Variants in LMTK2 observed in about 807,000 individuals in gnomAD.
LMTK2 encodes lemur tail kinase 2.
Under a neutral mutation model 127.5 loss-of-function variants are expected in LMTK2, and 37 were observed. The ratio of observed to expected loss-of-function variants is 0.29; its 90% CI spans 0.22 to 0.38. The LOEUF (loss-of-function observed/expected upper bound fraction) is 0.38. Ranked by LOEUF, LMTK2 falls within the 10% of genes least tolerant of loss-of-function variation. The probability of loss-of-function intolerance (pLI) is 1.00; values close to 1 mark genes in which losing one functional copy is unlikely to be tolerated. For synonymous variants in LMTK2, 819 were observed against 810.1 expected (o/e 1.01, Z -0.19); for missense variants, 1,694 against 1,920.3 (o/e 0.88, Z 2.20).
rs1316047617 is a variant in LMTK2, at chr7:98,191,788, T to C, written c.1323T>C (p.Asn441=). The C allele has an allele frequency of 1.3e-5, 21 of 1,614,018 alleles. No individual in the cohort carries two copies. Among genetic ancestry groups the C allele is most frequent in the Non-Finnish European group, 1.8e-5 (21 of 1,180,030 alleles). ...CAAACAGCAGAGACTCCTCCAACAA[T>C]GCTGCATTCCCAATTCTCGACCACT... The part of the protein sequence containing the change: ...PNTNSRDSSN[N]AAFPILDHFA... Residue 441 remains asparagine (N), a synonymous_variant, in exon 11 of 14, where the codon AAT becomes AAC. Transcript: ENST00000297293.
intron 7 of LMTK2, 119 bp from the exon 8 acceptor site, chr7:98,184,932 G>A: frequency 3.0e-6 from 2 of 662,996 alleles, no homozygotes; most frequent in Middle Eastern, 2.5e-4. Flanking sequence ...TAATTCTTAA[G>A]CAGAGAGCTC....
In LMTK2 at chr7:98,192,133, A is replaced by G; in HGVS notation, c.1668A>G (p.Glu556=). 1 of 1,534,330 alleles carries G rather than the reference A, an allele frequency of 6.5e-7. No homozygotes were observed. Among genetic ancestry groups the G allele is most frequent in the Non-Finnish European group, 8.7e-7 (1 of 1,144,226 alleles). The change falls in exon 11 of 14, where the codon GAA becomes GAG. Residue 556 remains glutamate (E), a synonymous_variant. Coordinates refer to ENST00000297293, the MANE Select transcript of LMTK2 (RefSeq NM_014916.4). ...GAAGCGACTATTATATCCAGTTAGA[A>G]GAAAAAAGTGGTAGTAACTTGGAGC... The part of the protein sequence containing the change: ...SVGSDYYIQL[E]EKSGSNLELD...
At chr7:98,113,476 G>GTC (rs975771353) in intron 1 of LMTK2, among the ~76,000 whole-genome samples, 3 of 152,098 alleles carry the variant, frequency 2.0e-5, no homozygotes, top group African/African-American at 7.2e-5. Context: ...GCCCAGGCTG[G>GTC]TCTCAAATTC....
intron 5 of LMTK2, among the ~76,000 whole-genome samples, chr7:98,155,413 A>G (rs80066541): frequency 2.0e-5 from 3 of 152,166 alleles, no homozygotes; most frequent in Non-Finnish European, 4.4e-5. Flanking sequence ...AATTTTCTAC[A>G]TTTGGAAAAG....
At chr7:98,122,702 G>T (rs908661648) in intron 1 of LMTK2, among the ~76,000 whole-genome samples, 2 of 2,892 alleles carry the variant, frequency 6.9e-4, no homozygotes, top group Non-Finnish European at 0.011. Context: ...GTGTGTGTGT[G>T]TGTGTGTGTG....
chr7:98,143,121 T>C (rs569153926), intron 3 of LMTK2, among the ~76,000 whole-genome samples: 1 of 152,288 alleles, frequency 6.6e-6, no homozygotes, highest in South Asian at 2.1e-4. Flanking sequence ...AGAAGAGAAA[T>C]TATGGTGACC....
chr7:98,111,615 C>T (rs1796202370), intron 1 of LMTK2, among the ~76,000 whole-genome samples: 1 of 152,022 alleles, frequency 6.6e-6, no homozygotes, highest in African/African-American at 2.4e-5. Context: ...CAATATTTAC[C>T]CAAAGGGTTG....
intron 11 of LMTK2, among the ~76,000 whole-genome samples, chr7:98,199,039 T>C (rs1176836514): frequency 1.3e-5 from 2 of 152,234 alleles, no homozygotes; most frequent in Non-Finnish European, 1.5e-5. Flanking sequence ...ATCTTTTTGT[T>C]ATTAAATTTT....
In LMTK2 at chr7:98,114,585, A is replaced by G. The variant is rs115392477; in HGVS notation, c.103+7305A>G. ...AAAGGCTTGAGTTACCATCAGGTCA[A>G]ATTAGGTGTGCAGGACCTTGTGCTA... On this transcript the variant is annotated intron_variant, in intron 1 of 13. Coordinates refer to ENST00000297293, the MANE Select transcript of LMTK2 (RefSeq NM_014916.4). Among the ~76,000 whole-genome samples, 1,321 of 152,198 alleles carry G rather than the reference A, an allele frequency of 8.7e-3. 22 individuals carry two copies. Among genetic ancestry groups the G allele is most frequent in the African/African-American group, 0.03 (1,234 of 41,534 alleles).
chr7:98,181,139 C>T (rs1399004058), intron 7 of LMTK2, among the ~76,000 whole-genome samples: 1 of 150,056 alleles, frequency 6.7e-6, no homozygotes, highest in African/African-American at 2.4e-5. Context: ...GAGAACTTAG[C>T]TTGTGTTTCT....
chr7:98,173,320 A>T (rs1169351188), intron 7 of LMTK2, among the ~76,000 whole-genome samples: 21 of 148,142 alleles, frequency 1.4e-4, no homozygotes, highest in South Asian at 2.1e-4. Flanking sequence ...TTTTTTTTTT[A>T]AAGACTCAAA....
chr7:98,161,698 C>A (rs1797018900), intron 6 of LMTK2, among the ~76,000 whole-genome samples: 1 of 151,994 alleles, frequency 6.6e-6, no homozygotes, highest in Non-Finnish European at 1.5e-5. Flanking sequence ...AAATAGCTTC[C>A]TTTTAGTCTA....
At chr7:98,189,600 G>A (rs1380701671) in intron 9 of LMTK2, among the ~76,000 whole-genome samples, 4 of 152,140 alleles carry the variant, frequency 2.6e-5, no homozygotes, top group East Asian at 1.9e-4. Context: ...TGAGAGTCAC[G>A]TTCGGGAACA....
At chr7:98,137,003 C>A (rs1416836748) in intron 1 of LMTK2, among the ~76,000 whole-genome samples, 7 of 152,214 alleles carry the variant, frequency 4.6e-5, no homozygotes, top group Admixed American at 4.6e-4. Context: ...AAGTTCACTT[C>A]ATAGCCTTGT....
At chr7:98,126,331 C>T (rs985843972) in intron 1 of LMTK2, among the ~76,000 whole-genome samples, 5 of 152,118 alleles carry the variant, frequency 3.3e-5, no homozygotes, top group African/African-American at 1.2e-4. Flanking sequence ...CGTTGGTGGT[C>T]CACTGCAGGG....
At chr7:98,147,036 T>C (rs1270276929) in intron 3 of LMTK2, among the ~76,000 whole-genome samples, 1 of 152,262 alleles carries the variant, frequency 6.6e-6, no homozygotes, top group African/African-American at 2.4e-5. Flanking sequence ...TCACAGGTAT[T>C]TGCTTTCAGC....
chr7:98,108,645 T>C (rs1367641217), intron 1 of LMTK2, among the ~76,000 whole-genome samples: 1 of 152,120 alleles, frequency 6.6e-6, no homozygotes, highest in Non-Finnish European at 1.5e-5. Context: ...TCACAGGAAA[T>C]GCCTGGGAAA....
In LMTK2 at chr7:98,193,877, G is replaced by A. The variant is rs142016830; in HGVS notation, c.3412G>A (p.Glu1138Lys). Reference sequence around the variant, plus strand: ...GTTGGTACAGGAGCAGCCCCTACCCGAGCCAGTCCTCCCCGAGCAAAGTCC... The same window carrying A: ...GTTGGTACAGGAGCAGCCCCTACCCAAGCCAGTCCTCCCCGAGCAAAGTCC... Reference protein sequence around the residue: ...LVLVQEQPLPEPVLPEQSPAA... With the variant: ...LVLVQEQPLPKPVLPEQSPAA... The change falls in exon 11 of 14, where the codon GAG becomes AAG. Residue 1138 changes from glutamate (E) to lysine (K), a missense_variant. Glu to Lys is a moderately conservative substitution (Grantham distance 56). This residue lies in a region of LMTK2 where 554 missense variants were observed against 567.7 expected (regional missense o/e 0.98). Transcript: ENST00000297293. The surrounding 1 kb of genome is among the most constrained non-coding windows in gnomAD (Gnocchi z 4.1). The A allele has an allele frequency of 3.0e-5, 48 of 1,614,020 alleles. No individual in the cohort carries two copies. The African/African-American group carries it at 3.3e-4, about 11-fold the overall frequency.
rs192651819 is a variant in LMTK2, at chr7:98,192,437, A to G, written c.1972A>G (p.Asn658Asp). Reference sequence around the variant, plus strand: ...AAAAATATTCGACTTAATGGAATTAAACGGAGTTCAAGCCGACTTTAAACC... The same window carrying G: ...AAAAATATTCGACTTAATGGAATTAGACGGAGTTCAAGCCGACTTTAAACC... Reference protein sequence around the residue: ...HQKIFDLMELNGVQADFKPAT... With the variant: ...HQKIFDLMELDGVQADFKPAT... The change falls in exon 11 of 14, where the codon AAC (asparagine) becomes GAC (aspartate). Residue 658 changes from asparagine to aspartate, a missense_variant. By Grantham distance (23) the Asn-to-Asp change is conservative. Coordinates refer to ENST00000297293, the MANE Select transcript of LMTK2 (RefSeq NM_014916.4). 17 of 1,613,378 alleles carry G rather than the reference A, an allele frequency of 1.1e-5. No individual in the cohort carries two copies. The highest frequency in any genetic ancestry group is 6.7e-5 in the Admixed American group (4 of 59,786).
Sources: gnomAD v4.1 joint callset for allele counts (sites outside exome capture counted in the v4.1 genomes callset) on GRCh38, gnomAD v4.1.1 for gene constraint, gnomAD v4.1.1 regional missense constraint, Gnocchi (gnomAD v3.1) non-coding constraint, MANE v1.5 for transcripts, NCBI Gene and HGNC (gene_info 2026-07-23, HGNC 2026-07-21) for gene names.